The following EMC4 variants were observed in gnomAD, a reference collection of about 807,000 sequenced individuals.
EMC4 encodes cell proliferation-inducing gene 17 protein.
A neutral mutation model predicts 24.2 loss-of-function variants in EMC4; 9 were observed. The observed-to-expected ratio is 0.37, with a 90% CI of 0.22 to 0.65. The LOEUF (loss-of-function observed/expected upper bound fraction) is 0.65, where lower values mean the gene tolerates loss of function less well. EMC4 is among the 30% of genes least tolerant of loss of function. EMC4 has a pLI of 0.59. For synonymous variants in EMC4, 86 were observed against 81.1 expected, an observed-to-expected ratio of 1.06 and a Z score of -0.32; for missense variants, 169 against 234.6, an observed-to-expected ratio of 0.72 and a Z score of 1.83.
chr15:34,226,192 CG>C (rs1263428761), intron 2 of EMC4: 1 of 174,464 alleles, frequency 5.7e-6, no homozygotes, highest in Non-Finnish European at 1.3e-5. Flanking sequence ...GCGCTCGGCC[CG>C]GGGCTATTTA....
chr15:34,225,516 T>G lies in EMC4; in HGVS notation c.87-20T>G. 1 of 1,585,374 alleles carries G rather than the reference T, an allele frequency of 6.3e-7. No individual in the cohort carries two copies. The highest frequency in any genetic ancestry group is 1.1e-5 in the South Asian group (1 of 90,516). ...AAGTATCGGAGGTTGCAGCTTTAGT[T>G]TCTTGGTTTGGTTTTTTAGGGGTCG... is the stretch of plus-strand genomic sequence containing the variant. On this transcript the variant is annotated intron_variant, in intron 1 of 4. Coordinates refer to ENST00000267750, the MANE Select transcript of EMC4 (RefSeq NM_016454.4).
intron 2 of EMC4, chr15:34,226,268 T>C (rs2140592701): frequency 6.0e-6 from 1 of 167,310 alleles, no homozygotes; most frequent in South Asian, 1.4e-4. Context: ...TCCTAAAATT[T>C]CAAATGTATT....
In EMC4 at chr15:34,225,051, T is replaced by G; in HGVS notation, c.-64T>G. 3.8e-6 allele frequency: 5 copies of G among 1,318,550 alleles called. No individual in the cohort carries two copies. Among genetic ancestry groups the G allele is most frequent in the Middle Eastern group, 1.8e-4 (1 of 5,550 alleles). 81.7% of individuals were successfully genotyped at this position (1,318,550 alleles called of 1,614,324 possible). A position where few individuals can be genotyped will look rare whatever the true frequency, so the allele number is the denominator to read the frequency against. On this transcript the variant is annotated 5_prime_UTR_variant, in exon 1 of 5. Transcript: ENST00000267750. The stretch of plus-strand genomic sequence containing the variant: ...AGTGAGACAAAGCGGAGAACGCTGG[T>G]GGGCCTGTTGTGGAGTACGCTTTGG...
At position 34,227,863 on chromosome 15, in the gene EMC4, C is replaced by T; in HGVS notation, c.355+17C>T. On this transcript the variant is annotated intron_variant, in intron 3 of 4. Coordinates refer to ENST00000267750, the MANE Select transcript of EMC4 (RefSeq NM_016454.4). ...TTTCAGCCAGTAAGTATTCTTGAAA[C>T]AATAACCCTTCCATAAGTTTGAAGA... The T allele has an allele frequency of 6.2e-7, 1 of 1,609,602 alleles. No individual in the cohort carries two copies. The highest frequency in any genetic ancestry group is 8.5e-7 in the Non-Finnish European group (1 of 1,176,156).
chr15:34,228,971 A>T (rs1191720218), intron 4 of EMC4: 1 of 197,164 alleles, frequency 5.1e-6, no homozygotes, highest in Non-Finnish European at 1.0e-5. Flanking sequence ...TACAGGCGTG[A>T]GCCACTGCGC....
rs374121022 is a variant in EMC4, at chr15:34,225,225, A to G, written c.86+25A>G. 83 of 1,519,264 alleles carry G rather than the reference A, an allele frequency of 5.5e-5. No individual in the cohort carries two copies. In the African/African-American group the frequency reaches 9.7e-4, roughly 18 times the overall value. 94.1% of individuals were successfully genotyped at this position (1,519,264 alleles called of 1,614,324 possible). ...GGTGAGGCACCTGGGCAAGCTGTACATCACTGTTCATCCCAGAACTGCACC... is the reference window on the plus strand; with the variant it reads ...GGTGAGGCACCTGGGCAAGCTGTACGTCACTGTTCATCCCAGAACTGCACC... On this transcript the variant is annotated intron_variant, in intron 1 of 4. Coordinates refer to ENST00000267750, the MANE Select transcript of EMC4 (RefSeq NM_016454.4).
rs775438394 is a variant in EMC4, at chr15:34,225,626, G to C, written c.177G>C (p.Glu59Asp). 2.5e-6 allele frequency: 4 copies of C among 1,613,980 alleles called. No homozygotes were observed. ...AAGTGCCTGATACCAGCGTGCAAGAGACAGACCGGATCCTGGTGGAGAAGG... is the reference window on the plus strand; with the variant it reads ...AAGTGCCTGATACCAGCGTGCAAGACACAGACCGGATCCTGGTGGAGAAGG... ...DKQVPDTSVQ[E>D]TDRILVEKRC... Residue 59 changes from glutamate to aspartate, a missense_variant, in exon 2 of 5, where the codon GAG (glutamate) becomes GAC (aspartate). Transcript: ENST00000267750.
chr15:34,225,149 G>C lies in EMC4; in HGVS notation c.35G>C (p.Gly12Ala). 6.4e-7 allele frequency: 1 copy of C among 1,551,644 alleles called. No homozygotes were observed. The highest frequency in any genetic ancestry group is 8.7e-7 in the Non-Finnish European group (1 of 1,146,966). Residue 12 changes from glycine to alanine, a missense_variant, in exon 1 of 5, where the codon GGC (glycine) becomes GCC (alanine). Transcript: ENST00000267750. ...TAQGGLVANR[G>A]RRFKWAIELS... The stretch of plus-strand genomic sequence containing the variant: ...CAGGGGGGCCTGGTGGCTAACCGAG[G>C]CCGGCGCTTCAAGTGGGCCATTGAG...
chr15:34,228,609 G>A lies in EMC4; in HGVS notation c.516+20G>A. 6.3e-7 allele frequency: 1 copy of A among 1,588,382 alleles called. No individual in the cohort carries two copies. Among genetic ancestry groups the A allele is most frequent in the Non-Finnish European group, 8.6e-7 (1 of 1,166,032 alleles). On this transcript the variant is annotated intron_variant, in intron 4 of 4. Transcript: ENST00000267750. The stretch of plus-strand genomic sequence containing the variant: ...CCTGAGGTAAGGCAAAAGAAAAGCT[G>A]AATTTTGGGTAGTTGTAGTATACAG...
At chr15:34,225,269 C>G in intron 1 of EMC4, 69 bp downstream of exon 1, 3 of 1,302,180 alleles carry the variant, frequency 2.3e-6, no homozygotes, top group Non-Finnish European at 3.2e-6. Context: ...GAGACCTGAG[C>G]CCTCAGGCAT....
At chr15:34,227,004 C>A (rs1890665617) in intron 2 of EMC4, 1 of 152,030 alleles carries the variant, frequency 6.6e-6, no homozygotes, top group African/African-American at 2.4e-5. Context: ...ATTATAATTT[C>A]TTCATGTATC....
chr15:34,225,335 C>A, intron 1 of EMC4, 135 bp downstream of exon 1: 2 of 887,444 alleles, frequency 2.3e-6, no homozygotes, highest in Non-Finnish European at 3.4e-6. Context: ...AGCGGCTTTT[C>A]TGCCGTGGAA....
At chr15:34,229,711 T>A in intron 4 of EMC4, 42 bp from the exon 5 acceptor site, 1 of 1,067,958 alleles carries the variant, frequency 9.4e-7, no homozygotes, top group Non-Finnish European at 1.4e-6. Context: ...ATTTTAACAC[T>A]CATTTGCCAC....
At chr15:34,228,766 C>T in intron 4 of EMC4, 177 bp downstream of exon 4, 1 of 462,344 alleles carries the variant, frequency 2.2e-6, no homozygotes, top group South Asian at 3.2e-5. Flanking sequence ...ATCTCGGCAA[C>T]CTCCGCCTCC....
chr15:34,229,891 TAAA>T lies in EMC4; in HGVS notation c.*106_*108del. 1.8e-6 allele frequency: 2 copies of T among 1,111,202 alleles called. No individual in the cohort carries two copies. Among genetic ancestry groups the T allele is most frequent in the Non-Finnish European group, 2.7e-6 (2 of 729,560 alleles). 68.8% of individuals were successfully genotyped at this position (1,111,202 alleles called of 1,614,324 possible). A position where few individuals can be genotyped will look rare whatever the true frequency, so the allele number is the denominator to read the frequency against. ...ATACTCTTAAACTAATCACTTATGT[TAAA>T]AAGAACCAAAAGACTCTTTTCTCCA... On this transcript the variant is annotated 3_prime_UTR_variant, in exon 5 of 5. Transcript: ENST00000267750.
intron 2 of EMC4, 144 bp downstream of exon 2, chr15:34,225,794 T>G (rs17236770): frequency 0.11 from 76,477 of 718,550 alleles, 4,816 homozygotes; most frequent in South Asian, 0.15. Flanking sequence ...TTTCGGTATT[T>G]TATATATCAG....
intron 4 of EMC4, 99 bp downstream of exon 4, chr15:34,228,688 T>A: frequency 1.7e-3 from 139 of 84,098 alleles, no homozygotes; most frequent in Non-Finnish European, 2.3e-3. Context: ...TTGAGTTTCT[T>A]TTTTTTTTTT....
rs1381026544 is a variant in EMC4 at position 34,228,532 on chromosome 15, C to T, written c.459C>T (p.Ser153=). ...GLALAVYKCQ[S]MGLLPTHASD... is the part of the protein sequence containing the mutation. ...CATTGGCTGTTTACAAGTGCCAGTC[C>T]ATGGGACTGTTACCTACACATGCAT... is the stretch of plus-strand genomic sequence containing the variant. Residue 153 remains serine, a synonymous_variant, in exon 4 of 5, where the codon TCC becomes TCT. Coordinates refer to ENST00000267750, the MANE Select transcript of EMC4 (RefSeq NM_016454.4). 6.2e-7 allele frequency: 1 copy of T among 1,613,950 alleles called. No homozygotes were observed. The highest frequency in any genetic ancestry group is 8.5e-7 in the Non-Finnish European group (1 of 1,180,008).
rs1327157809 is a variant in EMC4 at position 34,228,496 on chromosome 15, G to A, written c.423G>A (p.Leu141=). ...LQGLVYLIGN[L]MGLALAVYKC... ...GTTTGGTCTATCTCATTGGGAACCT[G>A]ATGGGTTTGGCATTGGCTGTTTACA... Residue 141 remains leucine (L), a synonymous_variant, in exon 4 of 5, where the codon CTG becomes CTA. Transcript: ENST00000267750. 1.1e-5 allele frequency: 17 copies of A among 1,613,988 alleles called. No individual in the cohort carries two copies. The highest frequency in any genetic ancestry group is 2.7e-5 in the African/African-American group (2 of 74,904).
Sources: gnomAD v4.1 joint callset for allele counts on GRCh38, gnomAD v4.1.1 for gene constraint, MANE v1.5 for transcripts, NCBI Gene and HGNC (gene_info 2026-07-23, HGNC 2026-07-21) for gene names.